Variants in TCF3 observed in about 807,000 individuals in gnomAD.
The protein encoded by TCF3 is transcription factor 3.
Under a neutral mutation model 72.3 loss-of-function variants are expected in TCF3, and 54 were observed. The ratio of observed to expected loss-of-function variants is 0.75; its 90% CI spans 0.60 to 0.94. The LOEUF is 0.94. TCF3 is among the 40% of genes least tolerant of loss of function. TCF3 has a pLI of 0.00. For synonymous variants in TCF3, 525 were observed against 412.6 expected, an observed-to-expected ratio of 1.27 and a Z score of -3.30; for missense variants, 1,078 against 934.4, an observed-to-expected ratio of 1.15 and a Z score of -2.00.
chr19:1,617,069 C>G (rs1334197838), intron 16 of TCF3, among the ~76,000 whole-genome samples: 1 of 152,224 alleles, frequency 6.6e-6, no homozygotes, highest in Non-Finnish European at 1.5e-5. Context: ...TAAGGAAATG[C>G]AAATTAGGGT....
chr19:1,627,555 G>T (rs1308408457), intron 5 of TCF3, 129 bp from the exon 6 acceptor site: 1 of 808,420 alleles, frequency 1.2e-6, no homozygotes, highest in Non-Finnish European at 2.0e-6. Context: ...ACGGCAGGAT[G>T]CTGGCAGAGC....
At chr19:1,642,130 ACACAC>A (rs1217633103) in intron 3 of TCF3, among the ~76,000 whole-genome samples, 2 of 5,570 alleles carry the variant, frequency 3.6e-4, no homozygotes, top group Non-Finnish European at 1.4e-3. Flanking sequence ...GCACAGAACT[ACACAC>A]ACACACACAC....
intron 3 of TCF3, among the ~76,000 whole-genome samples, chr19:1,636,957 G>A (rs2064502184): frequency 6.6e-6 from 1 of 152,172 alleles, no homozygotes; most frequent in African/African-American, 2.4e-5. Flanking sequence ...CCCTAAGAGT[G>A]GGGGTCCCCA....
chr19:1,612,123 G>A (rs546188037), intron 18 of TCF3: 152 of 1,374,324 alleles, frequency 1.1e-4, no homozygotes, highest in South Asian at 1.1e-3. Context: ...GTCCGGGGGC[G>A]GCAAGCACAG....
rs373710497 is a variant in TCF3 at position 1,612,225 on chromosome 19, G to A, written c.1823-376C>T. On this transcript the variant is annotated intron_variant, in intron 18 of 18. Transcript: ENST00000262965. ...AGCCTACCTCGCACCTGCTGCTCCA[G>A]CCCCAGGATGACCTGCACGGCCTGC... 1.0e-4 allele frequency: 164 copies of A among 1,591,612 alleles called. No homozygotes were observed. The African/African-American group carries it at 2.0e-3, about 19-fold the overall frequency.
At chr19:1,645,149 C>T (rs79371154) in intron 3 of TCF3, among the ~76,000 whole-genome samples, 10,075 of 152,126 alleles carry the variant, frequency 0.066, 454 homozygotes, top group Non-Finnish European at 0.089. Context: ...TTGCCCACCA[C>T]TCAAAACCCC....
At position 1,615,386 on chromosome 19, in the gene TCF3, C is replaced by A. The variant is rs749950119; in HGVS notation, c.1721G>T (p.Arg574Leu). 2 of 1,614,042 alleles carry A rather than the reference C, an allele frequency of 1.2e-6. No individual in the cohort carries two copies. The highest frequency in any genetic ancestry group is 2.2e-5 in the East Asian group (1 of 44,876). Residue 574 changes from arginine to leucine, a missense_variant, in exon 18 of 19, where the codon CGC becomes CTC. Physicochemically the swap from Arg to Leu is moderately radical, Grantham distance 102. Transcript: ENST00000262965. The surrounding 1 kb of genome is among the most constrained non-coding windows in gnomAD (Gnocchi z 7.3). ...DINEAFKELG[R>L]MCQLHLNSEK... ...GCTGTTGAGGTGCAGTTGGCACATG[C>A]GCCCCAGCTCCTTAAAGGCCTCGTT...
At position 1,609,745 on chromosome 19, in the gene TCF3, C is replaced by A. The variant is rs1046655762; in HGVS notation, c.*1962G>T. On this transcript the variant is annotated 3_prime_UTR_variant, in exon 19 of 19. Coordinates refer to ENST00000262965, the MANE Select transcript of TCF3 (RefSeq NM_003200.5). ...GCCTGGCCTGGACTGGGGGCAGATA[C>A]CAGGCATTGAGCTGGCCTTGAGGTT... 3.0e-5 allele frequency: 7 copies of A among 229,628 alleles called. No homozygotes were observed. Among genetic ancestry groups the A allele is most frequent in the Admixed American group, 5.7e-5 (1 of 17,636 alleles). The allele number at this position is 229,628 out of a possible 1,614,324, so 14.2% of individuals were successfully genotyped here.
Position 1,621,046 on chromosome 19 carries a change from T to G in TCF3, c.1015A>C (p.Ile339Leu), listed in dbSNP as rs769138404. The change falls in exon 13 of 19, where the codon ATC (isoleucine) becomes CTC (leucine). Residue 339 changes from isoleucine to leucine, a missense_variant and splice_region_variant. Ile to Leu is a conservative substitution (Grantham distance 5). Transcript: ENST00000262965. The part of the protein sequence containing the change: ...GDALGKALAS[I>L]YSPDHSSNNF... ...TTGCTTGAGTGATCCGGGGAGTAGA[T>G]CTGCGAGGAGGACCAGGAGAGATGG... is the stretch of plus-strand genomic sequence containing the variant. 1 of 1,522,928 alleles carries G rather than the reference T, an allele frequency of 6.6e-7. No individual in the cohort carries two copies. The highest frequency in any genetic ancestry group is 8.9e-7 in the Non-Finnish European group (1 of 1,129,744). The allele number at this position is 1,522,928 out of a possible 1,614,324, so 94.3% of individuals were successfully genotyped here.
rs1173635826 is a variant in TCF3 at position 1,614,546 on chromosome 19, G to A, written c.1822+739C>T. On this transcript the variant is annotated intron_variant, in intron 18 of 18. Coordinates refer to ENST00000262965, the MANE Select transcript of TCF3 (RefSeq NM_003200.5). The surrounding 1 kb of genome is among the most constrained non-coding windows in gnomAD (Gnocchi z 5.6). ...GTGCCACACACGGCTGCAGAGACTC[G>A]GAAACCTTAGAGCTGAGGGGATAGC... Among the ~76,000 whole-genome samples, 1 of 152,156 alleles carries A rather than the reference G, an allele frequency of 6.6e-6. No individual in the cohort carries two copies. The highest frequency in any genetic ancestry group is 1.9e-4 in the East Asian group (1 of 5,194).
chr19:1,641,633 A>G (rs544689024), intron 3 of TCF3, among the ~76,000 whole-genome samples: 9 of 152,254 alleles, frequency 5.9e-5, no homozygotes, highest in African/African-American at 2.2e-4. Flanking sequence ...TTGTATTTTT[A>G]GCAGAGACGG....
intron 5 of TCF3, among the ~76,000 whole-genome samples, chr19:1,627,876 CA>C (rs757494662): frequency 1.4e-4 from 1 of 6,904 alleles, no homozygotes; most frequent in Middle Eastern, 0.062. Context: ...GCAGAGCTCA[CA>C]GGGGGTGAGG....
chr19:1,624,358 T>C (rs2062623991), intron 7 of TCF3, among the ~76,000 whole-genome samples: 1 of 152,156 alleles, frequency 6.6e-6, no homozygotes, highest in Admixed American at 6.6e-5. Flanking sequence ...ATCGTGTCAC[T>C]GCACTCCAGC....
intron 13 of TCF3, 121 bp downstream of exon 13, chr19:1,620,847 G>C (rs1227636831): frequency 6.8e-6 from 7 of 1,029,630 alleles, no homozygotes; most frequent in Non-Finnish European, 9.2e-6. Flanking sequence ...GCCTATCCCA[G>C]CAAGGTGCAG....
chr19:1,619,661 T>C, intron 14 of TCF3, 119 bp downstream of exon 14: 1 of 1,271,524 alleles, frequency 7.9e-7, no homozygotes, highest in South Asian at 1.4e-5. Context: ...CCACGAGGCC[T>C]CAATAACAGC....
intron 1 of TCF3, 23 bp from the exon 2 acceptor site, chr19:1,650,310 G>C (rs1782013521): frequency 6.8e-7 from 1 of 1,477,870 alleles, no homozygotes; most frequent in South Asian, 1.2e-5. Flanking sequence ...TGTGGGGACA[G>C]ATGGACAGGG....
rs1348955781 is a variant in TCF3, at chr19:1,610,642, TA to T, written c.*1064del. ...GTGCAGGTTCCAAGGGAGAGCAGCTTAGGGGGGCCTGGGGAGGGCGTTGTGT... is the reference window on the plus strand; with the variant it reads ...GTGCAGGTTCCAAGGGAGAGCAGCTTGGGGGGCCTGGGGAGGGCGTTGTGT... On this transcript the variant is annotated 3_prime_UTR_variant, in exon 19 of 19. Coordinates refer to ENST00000262965, the MANE Select transcript of TCF3 (RefSeq NM_003200.5). 8.7e-6 allele frequency: 2 copies of T among 230,104 alleles called. No homozygotes were observed. Among genetic ancestry groups the T allele is most frequent in the African/African-American group, 4.4e-5 (2 of 45,036 alleles). 14.3% of individuals were successfully genotyped at this position (230,104 alleles called of 1,614,324 possible).
intron 3 of TCF3, among the ~76,000 whole-genome samples, chr19:1,641,088 G>A (rs771379780): frequency 2.6e-5 from 4 of 151,544 alleles, no homozygotes; most frequent in African/African-American, 4.8e-5. Flanking sequence ...AGGCGGAGGC[G>A]GAGGCGGAGG....
At chr19:1,642,148 AC>A (rs1304426918) in intron 3 of TCF3, among the ~76,000 whole-genome samples, 6 of 150,514 alleles carry the variant, frequency 4.0e-5, no homozygotes, top group Non-Finnish European at 8.9e-5. Flanking sequence ...ACACACACAC[AC>A]ACACACACAC....
Sources: allele counts gnomAD v4.1 joint callset (sites outside exome capture counted in the v4.1 genomes callset), GRCh38; gene constraint gnomAD v4.1.1; non-coding constraint Gnocchi (gnomAD v3.1); transcripts MANE v1.5; gene names NCBI Gene and HGNC (gene_info 2026-07-23, HGNC 2026-07-21).